DCP2: variants seen among roughly 807,000 people sequenced by gnomAD.
The protein encoded by DCP2 is m7GpppN-mRNA hydrolase.
DCP2 carries 30 observed loss-of-function variants against 56.1 expected under a neutral mutation model. The observed-to-expected ratio is 0.53, with a 90% CI of 0.40 to 0.73. The LOEUF (loss-of-function observed/expected upper bound fraction) is 0.73, where lower values mean the gene tolerates loss of function less well. Among genes scored for constraint, DCP2 ranks in the 30% least tolerant of loss-of-function variants. The probability of loss-of-function intolerance (pLI) is 0.00; values close to 1 mark genes in which losing one functional copy is unlikely to be tolerated. For missense variants in DCP2, 533 were observed against 502.7 expected (o/e 1.06, Z -0.58); for synonymous variants, 197 against 163.3 (o/e 1.21, Z -1.57).
rs1748251896 is a variant in DCP2 at position 112,985,750 on chromosome 5, G to T, written c.54-85G>T. On this transcript the variant is annotated intron_variant, in intron 1 of 10. Coordinates refer to ENST00000389063, the MANE Select transcript of DCP2 (RefSeq NM_152624.6). ...TCTTGGTCCCTTTTCTCAGTTGGTG[G>T]GTCAGGTATGAAGCACTTAAATAGC... 1.4e-6 allele frequency: 2 copies of T among 1,469,412 alleles called. 1 individual carries two copies. The allele number at this position is 1,469,412 out of a possible 1,614,324, so 91.0% of individuals were successfully genotyped here.
At chr5:112,995,425 G>C (rs1321027961) in intron 4 of DCP2, among the ~76,000 whole-genome samples, 7 of 152,208 alleles carry the variant, frequency 4.6e-5, no homozygotes, top group Non-Finnish European at 8.8e-5. Context: ...CCTGCTTAGA[G>C]GAATTGATTG....
rs371625378 is a variant in DCP2 at position 112,992,122 on chromosome 5, C to A, written c.207C>A (p.Val69=). The A allele has an allele frequency of 2.5e-5, 41 of 1,613,602 alleles. No individual in the cohort carries two copies. Among genetic ancestry groups the A allele is most frequent in the Non-Finnish European group, 3.4e-5 (40 of 1,179,920 alleles). The change falls in exon 3 of 11, where the codon GTC becomes GTA. Residue 69 remains valine, a splice_region_variant and synonymous_variant. Transcript: ENST00000389063. The part of the protein sequence containing the change: ...QCGIRDFAKA[V]FSHCPFLLPQ... Reference sequence around the variant, plus strand: ...TAACTTCCTTGACACTATTTATACTCTTCAGTCATTGTCCGTTTTTGCTGC... The same window carrying A: ...TAACTTCCTTGACACTATTTATACTATTCAGTCATTGTCCGTTTTTGCTGC...
intron 4 of DCP2, among the ~76,000 whole-genome samples, chr5:112,996,761 C>G (rs1561694844): frequency 6.6e-6 from 1 of 152,146 alleles, no homozygotes; most frequent in East Asian, 1.9e-4. Context: ...TTCTATTTGA[C>G]CTTTTGGCTC....
chr5:112,989,096 C>A (rs562970078), intron 2 of DCP2, among the ~76,000 whole-genome samples: 1 of 152,150 alleles, frequency 6.6e-6, no homozygotes, highest in African/African-American at 2.4e-5. Flanking sequence ...GACTCAGTAT[C>A]TTCAAGAAGA....
chr5:112,999,070 CT>C (rs973597424), intron 4 of DCP2, among the ~76,000 whole-genome samples: 27 of 152,304 alleles, frequency 1.8e-4, no homozygotes, highest in African/African-American at 6.0e-4. Context: ...GAAACTCTTC[CT>C]TACTTTTTCT....
Position 113,013,762 on chromosome 5 carries a change from G to A in DCP2, c.*278G>A, listed in dbSNP as rs1749774303. On this transcript the variant is annotated 3_prime_UTR_variant, in exon 11 of 11. Transcript: ENST00000389063. ...TCTGTGTGACTGTGGGTTTTATTTT[G>A]TATTCTGGTTAAGAAAATAATGTAT... 3 of 288,822 alleles carry A rather than the reference G, an allele frequency of 1.0e-5. No individual in the cohort carries two copies. The South Asian group carries it at 3.0e-4, about 29-fold the overall frequency. The allele number at this position is 288,822 out of a possible 1,614,324, so 17.9% of individuals were successfully genotyped here.
chr5:112,976,805 C>A lies in DCP2; in HGVS notation c.-129C>A, dbSNP rs61746772. The A allele has an allele frequency of 0.019, 17,265 of 928,022 alleles. 237 individuals carry two copies. The highest frequency in any genetic ancestry group is 0.023 in the Middle Eastern group (110 of 4,712). The allele number at this position is 928,022 out of a possible 1,614,324, so 57.5% of individuals were successfully genotyped here. On this transcript the variant is annotated 5_prime_UTR_variant, in exon 1 of 11. Transcript: ENST00000389063. ...GTCCCGCCCCTTCCCCTTCTCGTCTCCGTTGGAGTCGTCTCTGCCGCGGCT... is the reference window on the plus strand; with the variant it reads ...GTCCCGCCCCTTCCCCTTCTCGTCTACGTTGGAGTCGTCTCTGCCGCGGCT...
At chr5:112,998,467 TATATC>T (rs1278198014) in intron 4 of DCP2, among the ~76,000 whole-genome samples, 1 of 152,192 alleles carries the variant, frequency 6.6e-6, no homozygotes, top group Non-Finnish European at 1.5e-5. Flanking sequence ...TCATAATACT[TATATC>T]ATATTAAAAT....
At chr5:113,000,430 A>ACCCACC (rs1161985508) in intron 4 of DCP2, among the ~76,000 whole-genome samples, 64 of 141,162 alleles carry the variant, frequency 4.5e-4, no homozygotes, top group African/African-American at 1.6e-3. Context: ...ACACACCCAC[A>ACCCACC]CACCCTACCT....
chr5:112,984,699 A>ATATATATAT lies in DCP2; in HGVS notation c.54-1136_54-1135insTATATATAT, dbSNP rs377520502. 154 of 78,492 alleles carry ATATATATAT rather than the reference A, an allele frequency of 2.0e-3. 3 individuals are homozygous for ATATATATAT. Among genetic ancestry groups the ATATATATAT allele is most frequent in the African/African-American group, 9.2e-3 (142 of 15,418 alleles). The allele number at this position is 78,492 out of a possible 1,614,324, so 4.9% of individuals were successfully genotyped here. A position where few individuals can be genotyped will look rare whatever the true frequency, so the allele number is the denominator to read the frequency against. ...TTATTTCTTAATTAAAAAAAAAAAA[A>ATATATATAT]AAAAATATATATATATATATATATA... On this transcript the variant is annotated intron_variant, in intron 1 of 10. Coordinates refer to ENST00000389063, the MANE Select transcript of DCP2 (RefSeq NM_152624.6).
chr5:112,998,899 A>G (rs1239561916), intron 4 of DCP2, among the ~76,000 whole-genome samples: 3 of 152,206 alleles, frequency 2.0e-5, no homozygotes, highest in African/African-American at 7.2e-5. Flanking sequence ...TGTAACATTG[A>G]TATGGTGCTG....
rs527731476 is a variant in DCP2 at position 113,014,850 on chromosome 5, G to C, written c.*1366G>C. On this transcript the variant is annotated 3_prime_UTR_variant, in exon 11 of 11. Coordinates refer to ENST00000389063, the MANE Select transcript of DCP2 (RefSeq NM_152624.6). The stretch of plus-strand genomic sequence containing the variant: ...TTCTCTGCTTATAAATGTTATTGTA[G>C]AAATCTTTATTCTGTGTAGGTAGCC... 7 of 152,704 alleles carry C rather than the reference G, an allele frequency of 4.6e-5. No individual in the cohort carries two copies. The highest frequency in any genetic ancestry group is 1.7e-4 in the African/African-American group (7 of 41,568). The allele number at this position is 152,704 out of a possible 1,614,324, so 9.5% of individuals were successfully genotyped here. A position where few individuals can be genotyped will look rare whatever the true frequency, so the allele number is the denominator to read the frequency against.
chr5:113,003,631 A>AT, intron 7 of DCP2, among the ~76,000 whole-genome samples: 1 of 152,306 alleles, frequency 6.6e-6, no homozygotes, highest in East Asian at 1.9e-4. Context: ...TAGTCTGCAT[A>AT]TTTTTTAAGA....
chr5:113,006,652 TTATTC>T (rs1325805145), intron 8 of DCP2, among the ~76,000 whole-genome samples: 1 of 147,136 alleles, frequency 6.8e-6, no homozygotes, highest in Admixed American at 6.6e-5. Flanking sequence ...TTCCTCCTAT[TTATTC>T]TATTTTAGCC....
At chr5:113,004,206 C>T (rs1749309368) in intron 8 of DCP2, 129 bp downstream of exon 8, 1 of 1,064,958 alleles carries the variant, frequency 9.4e-7, no homozygotes, top group African/African-American at 1.6e-5. Flanking sequence ...CTGTATGTTC[C>T]TTACTTATGA....
At chr5:112,984,703 A>AAAAAAATATATATATATATATAT in intron 1 of DCP2, 7 of 64,852 alleles carry the variant, frequency 1.1e-4, no homozygotes, top group African/African-American at 2.4e-4. Context: ...AAAAAAAAAA[A>AAAAAAATATATATATATATATAT]ATATATATAT....
In DCP2 at chr5:112,992,351, A is replaced by T. The variant is rs985483650; in HGVS notation, c.333+103A>T. The T allele has an allele frequency of 4.2e-6, 6 of 1,429,486 alleles. No homozygotes were observed. The Admixed American group carries it at 9.9e-5, about 24-fold the overall frequency. The allele number at this position is 1,429,486 out of a possible 1,614,324, so 88.6% of individuals were successfully genotyped here. Reference sequence around the variant, plus strand: ...TTTCTAAATTGAGGTTTTAAAATATACTTAGATTTTTAGTGCTAAAAGGCC... The same window carrying T: ...TTTCTAAATTGAGGTTTTAAAATATTCTTAGATTTTTAGTGCTAAAAGGCC... On this transcript the variant is annotated intron_variant, in intron 3 of 10. Transcript: ENST00000389063.
At chr5:112,984,694 AAAAAAAAAAATAT>A (rs1436754508) in intron 1 of DCP2, 5 of 113,394 alleles carry the variant, frequency 4.4e-5, no homozygotes, top group East Asian at 2.4e-4. Flanking sequence ...ATTAAAAAAA[AAAAAAAAAAATAT>A]ATATATATAT....
At chr5:113,007,870 T>G in intron 8 of DCP2, 68 bp from the exon 9 acceptor site, 2 of 1,361,590 alleles carry the variant, frequency 1.5e-6, no homozygotes, top group Non-Finnish European at 2.0e-6. Flanking sequence ...AACATATTCA[T>G]GGGGTATTTT....
Sources: gnomAD v4.1 joint callset for allele counts (sites outside exome capture counted in the v4.1 genomes callset) on GRCh38, gnomAD v4.1.1 for gene constraint, MANE v1.5 for transcripts, NCBI Gene and HGNC (gene_info 2026-07-23, HGNC 2026-07-21) for gene names.